Variants in SHC2 observed in about 807,000 individuals in gnomAD.
SHC2 encodes the protein SHC adaptor protein 2.
A neutral mutation model predicts 60.6 loss-of-function variants in SHC2; 62 were observed. That is an observed-to-expected ratio of 1.02 (90% CI 0.83 to 1.26). The LOEUF (loss-of-function observed/expected upper bound fraction) is 1.26, where lower values mean the gene tolerates loss of function less well. SHC2 is among the 50% of genes most tolerant of loss of function. The pLI, the probability that SHC2 is intolerant of heterozygous loss-of-function variation, is 0.00. For synonymous variants in SHC2, 375 were observed against 372.4 expected, an observed-to-expected ratio of 1.01 and a Z score of -0.08; for missense variants, 873 against 822.2, an observed-to-expected ratio of 1.06 and a Z score of -0.76.
intron 1 of SHC2, among the ~76,000 whole-genome samples, chr19:443,690 G>T (rs1014567341): frequency 1.4e-5 from 2 of 144,946 alleles, no homozygotes; most frequent in Non-Finnish European, 3.0e-5. Flanking sequence ...GGATGGATGG[G>T]TGGGTGGATG....
intron 11 of SHC2, 126 bp from the exon 12 acceptor site, chr19:419,182 G>GGGAATTC: frequency 9.4e-7 from 1 of 1,066,236 alleles, no homozygotes; most frequent in South Asian, 2.0e-5. Flanking sequence ...GGCCGGACCA[G>GGGAATTC]GGAATTCCGG....
chr19:437,799 C>T (rs1339277752), intron 4 of SHC2, among the ~76,000 whole-genome samples: 2 of 152,116 alleles, frequency 1.3e-5, no homozygotes, highest in Admixed American at 1.3e-4. Flanking sequence ...TCCATGCTAA[C>T]TTCTCCGACA....
intron 8 of SHC2, among the ~76,000 whole-genome samples, chr19:431,351 C>T (rs1179051757): frequency 7.3e-6 from 1 of 136,498 alleles, no homozygotes; most frequent in Non-Finnish European, 1.5e-5. Flanking sequence ...TGAGTGAGAT[C>T]GTGAGTGAGA....
At chr19:437,875 G>A (rs1354854285) in intron 4 of SHC2, among the ~76,000 whole-genome samples, 6 of 152,144 alleles carry the variant, frequency 3.9e-5, no homozygotes, top group Non-Finnish European at 7.4e-5. Context: ...GAGCCCTCCA[G>A]GAAGTCTCTT....
intron 4 of SHC2, 86 bp from the exon 5 acceptor site, chr19:436,769 AGT>A (rs771119343): frequency 7.1e-5 from 92 of 1,304,964 alleles, no homozygotes; most frequent in Non-Finnish European, 8.1e-5. Context: ...CACAGCGAAG[AGT>A]GGGGCAGGGG....
chr19:428,808 C>T (rs759641261), intron 9 of SHC2, among the ~76,000 whole-genome samples: 8 of 151,938 alleles, frequency 5.3e-5, no homozygotes, highest in Non-Finnish European at 8.8e-5. Context: ...GTATCTACAC[C>T]CAACGTGCAC....
At chr19:418,558 C>G (rs1056070548) in intron 12 of SHC2, among the ~76,000 whole-genome samples, 1 of 152,198 alleles carries the variant, frequency 6.6e-6, no homozygotes, top group African/African-American at 2.4e-5. Context: ...CGGGCCACGG[C>G]GCAATGCCCC....
At chr19:428,680 T>C (rs1445175905) in intron 9 of SHC2, among the ~76,000 whole-genome samples, 1 of 152,194 alleles carries the variant, frequency 6.6e-6, no homozygotes, top group Non-Finnish European at 1.5e-5. Context: ...TGCAGACAGG[T>C]ATGAAAGAGA....
In SHC2 at chr19:424,690, G is replaced by A. The variant is rs1265669493; in HGVS notation, c.1309+407C>T. 1.3e-5 allele frequency among the ~76,000 whole-genome samples: 2 copies of A among 152,204 alleles called. No individual in the cohort carries two copies. Among genetic ancestry groups the A allele is most frequent in the Non-Finnish European group, 2.9e-5 (2 of 68,042 alleles). ...CAGACCGGGGGTTCCGACAGAGGCA[G>A]GTGGGTTACCCCCGAGAGAGTGGAG... On this transcript the variant is annotated intron_variant, in intron 10 of 12. Transcript: ENST00000264554. This position sits in a 1 kb window ranked among gnomAD's most constrained non-coding sequence, Gnocchi z 4.5.
chr19:448,425 C>T (rs369586491), intron 1 of SHC2, among the ~76,000 whole-genome samples: 3 of 152,276 alleles, frequency 2.0e-5, no homozygotes, highest in South Asian at 4.1e-4. Context: ...TCCATCTCTG[C>T]CTCCTCCACA....
At chr19:460,358 G>A (rs1226238112) in intron 1 of SHC2, among the ~76,000 whole-genome samples, 171 bp downstream of exon 1, 1 of 151,980 alleles carries the variant, frequency 6.6e-6, no homozygotes, top group Non-Finnish European at 1.5e-5. Context: ...CAGCGCCTCC[G>A]GGTGGGGGCA....
rs1332267042 is a variant in SHC2, at chr19:446,664, T to C, written c.469-5732A>G. Among the ~76,000 whole-genome samples, 1 of 151,938 alleles carries C rather than the reference T, an allele frequency of 6.6e-6. No homozygotes were observed. The highest frequency in any genetic ancestry group is 2.4e-5 in the African/African-American group (1 of 41,318). On this transcript the variant is annotated intron_variant, in intron 1 of 12. Transcript: ENST00000264554. The surrounding 1 kb of genome is among the most constrained non-coding windows in gnomAD (Gnocchi z 5.4). ...GTTTGTGGTGGCAGCCCCGGGACCC[T>C]CCCACAGAAGATGGGGAGGAGCCCT...
In SHC2 at chr19:436,631, G is replaced by A. The variant is rs772622281; in HGVS notation, c.773C>T (p.Thr258Met). The A allele has an allele frequency of 1.6e-5, 26 of 1,605,250 alleles. No individual in the cohort carries two copies. Among genetic ancestry groups the A allele is most frequent in the South Asian group, 2.2e-5 (2 of 90,206 alleles). The change falls in exon 5 of 13, where the codon ACG (threonine) becomes ATG (methionine). Residue 258 changes from threonine (T) to methionine (M), a missense_variant and splice_region_variant. By Grantham distance (81) the Thr-to-Met change is moderately conservative (BLOSUM62 -1). Coordinates refer to ENST00000264554, the MANE Select transcript of SHC2 (RefSeq NM_012435.3). ...PSISFASGGD[T>M]DMTDYVAYVA... ...GTCCACCCCCATCCCTGGCCTCACCGTGTCTCCGCCTGACGCGAAGGAGAT... is the reference window on the plus strand; with the variant it reads ...GTCCACCCCCATCCCTGGCCTCACCATGTCTCCGCCTGACGCGAAGGAGAT...
At chr19:427,798 G>A (rs1321626530) in intron 9 of SHC2, among the ~76,000 whole-genome samples, 2 of 98,934 alleles carry the variant, frequency 2.0e-5, no homozygotes, top group Non-Finnish European at 3.9e-5. Flanking sequence ...AGGGGACGGC[G>A]CACAGCACAC....
intron 1 of SHC2, among the ~76,000 whole-genome samples, chr19:456,893 G>C (rs1166882453): frequency 7.1e-6 from 1 of 141,300 alleles, no homozygotes; most frequent in Non-Finnish European, 1.5e-5. Flanking sequence ...CCCCTGCCTA[G>C]AACTCTGTCT....
In SHC2 at chr19:446,011, C is replaced by T. The variant is rs1408625482; in HGVS notation, c.469-5079G>A. On this transcript the variant is annotated intron_variant, in intron 1 of 12. Coordinates refer to ENST00000264554, the MANE Select transcript of SHC2 (RefSeq NM_012435.3). The surrounding 1 kb of genome is among the most constrained non-coding windows in gnomAD (Gnocchi z 5.4). Reference sequence around the variant, plus strand: ...CGGAGGCTGCAGAGAGCCAAGATCACGCCACTGCACTCGAGCCTGGGTGAC... The same window carrying T: ...CGGAGGCTGCAGAGAGCCAAGATCATGCCACTGCACTCGAGCCTGGGTGAC... Among the ~76,000 whole-genome samples the T allele has an allele frequency of 1.3e-5, 2 of 151,766 alleles. No homozygotes were observed. The highest frequency in any genetic ancestry group is 2.9e-5 in the Non-Finnish European group (2 of 67,958).
intron 1 of SHC2, among the ~76,000 whole-genome samples, chr19:443,766 A>C (rs1453598649): frequency 3.6e-5 from 5 of 137,288 alleles, no homozygotes; most frequent in Non-Finnish European, 7.8e-5. Flanking sequence ...GGATGGGTGG[A>C]CAGATGGGTG....
In SHC2 at chr19:460,815, TCCGCGCCCC is replaced by T. The variant is rs1002456146; in HGVS notation, c.173_181del (p.Gly58_Ala60del). The T allele has an allele frequency of 2.4e-5, 23 of 976,492 alleles. No homozygotes were observed. The Admixed American group carries it at 2.6e-4, about 11-fold the overall frequency. The allele number at this position is 976,492 out of a possible 1,614,324, so 60.5% of individuals were successfully genotyped here. A position where few individuals can be genotyped will look rare whatever the true frequency, so the allele number is the denominator to read the frequency against. ...CGGGCCCGCCGGCTCGGGTTGGGGG[TCCGCGCCCC>T]CCGAGGCCCCAGCCGCCCGCGCCGC... is the stretch of plus-strand genomic sequence containing the variant. On this transcript the variant is annotated inframe_deletion, in exon 1 of 13. Coordinates refer to ENST00000264554, the MANE Select transcript of SHC2 (RefSeq NM_012435.3).
rs1568301524 is a variant in SHC2, at chr19:459,295, G to GCCAGCGTAGGGGGAAGGACCCCACTGAAC, written c.468+1205_468+1233dup. 4.2e-4 allele frequency among the ~76,000 whole-genome samples: 25 copies of GCCAGCGTAGGGGGAAGGACCCCACTGAAC among 59,332 alleles called. 1 individual carries two copies. The highest frequency in any genetic ancestry group is 6.2e-4 in the Non-Finnish European group (17 of 27,532). 38.9% of individuals were successfully genotyped at this position (59,332 alleles called of 152,430 possible). ...GTGTAGGGGGAAGGACCCCACTGAA[G>GCCAGCGTAGGGGGAAGGACCCCACTGAAC]CCAGCGTAGGGGGAAGGACCCCACT... On this transcript the variant is annotated intron_variant, in intron 1 of 12. Coordinates refer to ENST00000264554, the MANE Select transcript of SHC2 (RefSeq NM_012435.3).
Sources: allele counts gnomAD v4.1 joint callset (sites outside exome capture counted in the v4.1 genomes callset), GRCh38; gene constraint gnomAD v4.1.1; non-coding constraint Gnocchi (gnomAD v3.1); transcripts MANE v1.5; gene names NCBI Gene and HGNC (gene_info 2026-07-23, HGNC 2026-07-21).